The following AKAP9 variants were observed in gnomAD, a reference collection of about 807,000 sequenced individuals.
AKAP9 encodes the protein A-kinase anchor protein 9.
A neutral mutation model predicts 488.5 loss-of-function variants in AKAP9; 311 were observed. That is an observed-to-expected ratio of 0.64 (90% CI 0.58 to 0.70). The LOEUF is 0.70. Among genes scored for constraint, AKAP9 ranks in the 30% least tolerant of loss-of-function variants. The probability of loss-of-function intolerance (pLI) is 0.00; values close to 1 mark genes in which losing one functional copy is unlikely to be tolerated. For missense variants in AKAP9, 4,215 were observed against 4,374.5 expected, an observed-to-expected ratio of 0.96 and a Z score of 1.03; for synonymous variants, 1,462 against 1,483.5, an observed-to-expected ratio of 0.99 and a Z score of 0.33.
At position 92,085,014 on chromosome 7, in the gene AKAP9, G is replaced by A. The variant is rs1161838597; in HGVS notation, c.8832+74G>A. 11 of 1,531,922 alleles carry A rather than the reference G, an allele frequency of 7.2e-6. No homozygotes were observed. In the East Asian group the frequency reaches 2.3e-4, roughly 32 times the overall value. The allele number at this position is 1,531,922 out of a possible 1,614,324, so 94.9% of individuals were successfully genotyped here. A position where few individuals can be genotyped will look rare whatever the true frequency, so the allele number is the denominator to read the frequency against. Reference sequence around the variant, plus strand: ...TGTTGAACATAGCAGTTCATTAGAAGTTATATGGTGGGATCATTTCTGAAG... The same window carrying A: ...TGTTGAACATAGCAGTTCATTAGAAATTATATGGTGGGATCATTTCTGAAG... On this transcript the variant is annotated intron_variant, in intron 35 of 49. Coordinates refer to ENST00000356239, the MANE Select transcript of AKAP9 (RefSeq NM_005751.5).
rs1217647160 is a variant in AKAP9 at position 92,102,188 on chromosome 7, A to G, written c.11098-406A>G. Among the ~76,000 whole-genome samples the G allele has an allele frequency of 4.0e-5, 6 of 149,874 alleles. 1 individual carries two copies. The highest frequency in any genetic ancestry group is 1.5e-4 in the African/African-American group (6 of 41,226). On this transcript the variant is annotated intron_variant, in intron 45 of 49. Transcript: ENST00000356239. The stretch of plus-strand genomic sequence containing the variant: ...TAAAAAAAAAATAAATAAATAAATA[A>G]ATAAATAAATAAATAGATAGATTAG...
Position 92,096,770 on chromosome 7 carries a change from A to AACG in AKAP9, c.9813_9815dup (p.Asn3271_Glu3272insAsp). ...TTTGGAACAACAGAAACAACTACTG[A>AACG]ACGAATCCCAGCAAAAAATAGAATC... On this transcript the variant is annotated inframe_insertion, in exon 41 of 50. Coordinates refer to ENST00000356239, the MANE Select transcript of AKAP9 (RefSeq NM_005751.5). 1 of 1,614,256 alleles carries AACG rather than the reference A, an allele frequency of 6.2e-7. No individual in the cohort carries two copies. Among genetic ancestry groups the AACG allele is most frequent in the East Asian group, 2.2e-5 (1 of 44,892 alleles).
chr7:92,015,617 A>G (rs1395145749), intron 10 of AKAP9, among the ~76,000 whole-genome samples: 2 of 151,108 alleles, frequency 1.3e-5, no homozygotes, highest in Non-Finnish European at 3.0e-5. Context: ...ACCTTCCTCG[A>G]CCTCCCAAAG....
In AKAP9 at chr7:92,093,274, T is replaced by G; in HGVS notation, c.9536T>G (p.Leu3179Arg). 1 of 1,613,994 alleles carries G rather than the reference T, an allele frequency of 6.2e-7. No individual in the cohort carries two copies. Among genetic ancestry groups the G allele is most frequent in the Non-Finnish European group, 8.5e-7 (1 of 1,179,994 alleles). Residue 3179 changes from leucine to arginine, a missense_variant, in exon 39 of 50, where the codon CTC (leucine) becomes CGC (arginine). This residue lies in a region of AKAP9 where 1,476 missense variants were observed against 1,477.4 expected (regional missense o/e 1.00). Coordinates refer to ENST00000356239, the MANE Select transcript of AKAP9 (RefSeq NM_005751.5). ...ACTAAATTGGAACTAGAAACAACAC[T>G]CAAGGCACAGCATAAACACCTAAAA... ...AQTKLELETTLKAQHKHLKEL... is the reference protein window; with the variant it reads ...AQTKLELETTRKAQHKHLKEL...
rs1433272242 is a variant in AKAP9 at position 92,098,128 on chromosome 7, G to A, written c.10627G>A (p.Asp3543Asn). 2 of 1,610,410 alleles carry A rather than the reference G, an allele frequency of 1.2e-6. No individual in the cohort carries two copies. Among genetic ancestry groups the A allele is most frequent in the African/African-American group, 2.7e-5 (2 of 74,840 alleles). ...ASERLQFETADDEDFIWVQEN... is the reference protein window; with the variant it reads ...ASERLQFETANDEDFIWVQEN... ...TTGAAGACTACAGTTTGAAACAGCA[G>A]ATGATGAAGATTTCATTTGGGTTCA... The change falls in exon 43 of 50, where the codon GAT becomes AAT. Residue 3543 changes from aspartate (D) to asparagine (N), a missense_variant. By Grantham distance (23) the Asp-to-Asn change is conservative. This residue lies in a region of AKAP9 where 1,476 missense variants were observed against 1,477.4 expected (regional missense o/e 1.00). Coordinates refer to ENST00000356239, the MANE Select transcript of AKAP9 (RefSeq NM_005751.5).
intron 14 of AKAP9, among the ~76,000 whole-genome samples, chr7:92,028,562 T>C (rs1256421638): frequency 6.6e-6 from 1 of 152,108 alleles, no homozygotes; most frequent in Non-Finnish European, 1.5e-5. Context: ...GGGATGGTCA[T>C]AGAACATGAG....
chr7:92,093,518 C>T lies in AKAP9; in HGVS notation c.9578+202C>T, dbSNP rs538167197. ...GATCGTGATTATAGCATATTCTCTA[C>T]TGTGACTTCAGTTCTGTGTGAGACT... On this transcript the variant is annotated intron_variant, in intron 39 of 49. Coordinates refer to ENST00000356239, the MANE Select transcript of AKAP9 (RefSeq NM_005751.5). Among the ~76,000 whole-genome samples the T allele has an allele frequency of 5.9e-5, 9 of 152,274 alleles. No individual in the cohort carries two copies. In the South Asian group the frequency reaches 1.9e-3, roughly 32 times the overall value.
intron 22 of AKAP9, among the ~76,000 whole-genome samples, chr7:92,054,981 G>A (rs1033444482): frequency 2.6e-5 from 4 of 151,998 alleles, no homozygotes; most frequent in African/African-American, 9.7e-5. Flanking sequence ...TCCTGGATCA[G>A]GTAGAAATCA....
chr7:92,080,102 C>A lies in AKAP9; in HGVS notation c.7969C>A (p.Gln2657Lys). Residue 2657 changes from glutamine (Q) to lysine (K), a missense_variant, in exon 31 of 50, where the codon CAG (glutamine) becomes AAG (lysine). Physicochemically the swap from Gln to Lys is moderately conservative, Grantham distance 53. Coordinates refer to ENST00000356239, the MANE Select transcript of AKAP9 (RefSeq NM_005751.5). ...GCTATTGGAGGGCAATGAGAAAAAA[C>A]AGAGAGAGAAAGAAAAGAAAAGAAG... ...QKLLEGNEKK[Q>K]REKEKKRSPQ... 1 of 1,592,142 alleles carries A rather than the reference C, an allele frequency of 6.3e-7. No individual in the cohort carries two copies. The highest frequency in any genetic ancestry group is 8.5e-7 in the Non-Finnish European group (1 of 1,175,742).
intron 21 of AKAP9, among the ~76,000 whole-genome samples, chr7:92,047,420 T>C (rs1233786096): frequency 6.6e-6 from 1 of 152,186 alleles, no homozygotes; most frequent in Non-Finnish European, 1.5e-5. Flanking sequence ...GGTTTCACTA[T>C]GTTAGCCAGG....
At chr7:91,977,341 G>A (rs1795829629) in intron 2 of AKAP9, among the ~76,000 whole-genome samples, 1 of 152,166 alleles carries the variant, frequency 6.6e-6, no homozygotes, top group Non-Finnish European at 1.5e-5. Flanking sequence ...CAGATCACGA[G>A]GTCAGGAGAT....
At chr7:92,016,386 T>A in intron 11 of AKAP9, 119 bp downstream of exon 11, 1 of 698,578 alleles carries the variant, frequency 1.4e-6, no homozygotes, top group Non-Finnish European at 2.3e-6. Flanking sequence ...ATCTTAACAT[T>A]TTATCCTCCT....
intron 11 of AKAP9, among the ~76,000 whole-genome samples, chr7:92,016,665 T>C (rs1801550670): frequency 6.6e-6 from 1 of 152,070 alleles, no homozygotes; most frequent in Non-Finnish European, 1.5e-5. Flanking sequence ...TTAGTATCTT[T>C]CTTAATATAG....
At chr7:91,992,124 G>A (rs917845186) in intron 3 of AKAP9, 34 bp from the exon 4 acceptor site, 3 of 1,508,796 alleles carry the variant, frequency 2.0e-6, no homozygotes, top group Non-Finnish European at 2.8e-6. Flanking sequence ...TTATGTCTAA[G>A]ATCATAATAT....
At chr7:91,998,226 C>T (rs571020636) in intron 7 of AKAP9, among the ~76,000 whole-genome samples, 1 of 152,222 alleles carries the variant, frequency 6.6e-6, no homozygotes, top group African/African-American at 2.4e-5. Context: ...GTGGCCCCAT[C>T]TCTAACAGGC....
At chr7:91,978,189 C>T (rs575263859) in intron 2 of AKAP9, among the ~76,000 whole-genome samples, 4 of 146,308 alleles carry the variant, frequency 2.7e-5, no homozygotes, top group African/African-American at 1.0e-4. Context: ...TTGCAGTGAG[C>T]CAAGATGATG....
At chr7:92,057,565 A>G (rs1809005551) in intron 22 of AKAP9, 2 of 184,044 alleles carry the variant, frequency 1.1e-5, no homozygotes, top group South Asian at 3.9e-4. Flanking sequence ...GGGGACACTG[A>G]CTAGAATCCT....
intron 21 of AKAP9, among the ~76,000 whole-genome samples, chr7:92,045,557 A>C (rs930658354): frequency 1.3e-5 from 2 of 152,178 alleles, no homozygotes; most frequent in African/African-American, 2.4e-5. Context: ...ACCATCCTAT[A>C]GATTAAGGAA....
intron 1 of AKAP9, among the ~76,000 whole-genome samples, chr7:91,962,484 A>G (rs918044688): frequency 3.9e-5 from 6 of 152,138 alleles, no homozygotes; most frequent in Admixed American, 6.6e-5. Flanking sequence ...TTGGTTCTCA[A>G]GTCTTGTGAA....
Sources: gnomAD v4.1 joint callset for allele counts (sites outside exome capture counted in the v4.1 genomes callset) on GRCh38, gnomAD v4.1.1 for gene constraint, gnomAD v4.1.1 regional missense constraint, MANE v1.5 for transcripts, NCBI Gene and HGNC (gene_info 2026-07-23, HGNC 2026-07-21) for gene names.